LARP1B: variants seen among roughly 807,000 people sequenced by gnomAD.
LARP1B encodes the protein la-related protein 1B.
A neutral mutation model predicts 114.2 loss-of-function variants in LARP1B; 76 were observed. The observed-to-expected ratio is 0.67, with a 90% confidence interval of 0.55 to 0.81. LARP1B has a LOEUF of 0.81. Among genes scored for constraint, LARP1B ranks in the 30% least tolerant of loss-of-function variants. The pLI, the probability that LARP1B is intolerant of heterozygous loss-of-function variation, is 0.00. For synonymous variants in LARP1B, 345 were observed against 348.0 expected (o/e 0.99, Z 0.10); for missense variants, 1,014 against 1,075.8 (o/e 0.94, Z 0.80).
rs561694131 is a variant in LARP1B, at chr4:128,071,196, G to A, written c.-77-3264G>A. 5.3e-5 allele frequency among the ~76,000 whole-genome samples: 8 copies of A among 149,576 alleles called. No individual in the cohort carries two copies. The South Asian group carries it at 6.4e-4, about 12-fold the overall frequency. Reference sequence around the variant, plus strand: ...TGAGTAGCTGGGACTACAGGCGCCCGCCACCACACCCAGCTAATTTTTTGT... The same window carrying A: ...TGAGTAGCTGGGACTACAGGCGCCCACCACCACACCCAGCTAATTTTTTGT... On this transcript the variant is annotated intron_variant, in intron 1 of 19. Coordinates refer to ENST00000326639, the MANE Select transcript of LARP1B (RefSeq NM_018078.4).
chr4:128,144,120 A>G (rs781394001), intron 11 of LARP1B, among the ~76,000 whole-genome samples: 1 of 152,110 alleles, frequency 6.6e-6, no homozygotes, highest in Non-Finnish European at 1.5e-5. Context: ...CCCCACCCCA[A>G]TCCCATGACA....
intron 11 of LARP1B, 82 bp from the exon 12 acceptor site, chr4:128,162,112 T>G: frequency 5.3e-6 from 7 of 1,329,884 alleles, no homozygotes; most frequent in Admixed American, 2.2e-5. Flanking sequence ...AGAAGTTCAT[T>G]TTTTTGAGGT....
intron 1 of LARP1B, among the ~76,000 whole-genome samples, chr4:128,071,508 G>A (rs917722670): frequency 9.6e-5 from 14 of 146,058 alleles, no homozygotes; most frequent in African/African-American, 3.6e-4. Flanking sequence ...TGCAACCTCC[G>A]TCTCCTGGGT....
At chr4:128,159,130 A>G (rs1737207299) in intron 11 of LARP1B, among the ~76,000 whole-genome samples, 1 of 151,380 alleles carries the variant, frequency 6.6e-6, no homozygotes, top group African/African-American at 2.4e-5. Context: ...CTGTGGTCGT[A>G]CCACTGCGTT....
chr4:128,209,776 T>G (rs1758641321), intron 19 of LARP1B, 80 bp from the exon 20 acceptor site: 5 of 1,174,788 alleles, frequency 4.3e-6, no homozygotes, highest in Non-Finnish European at 5.0e-6. Flanking sequence ...CTTACTTTTT[T>G]GGGGAAAAGT....
chr4:128,129,275 A>G (rs1790764184), intron 11 of LARP1B, among the ~76,000 whole-genome samples: 1 of 147,988 alleles, frequency 6.8e-6, no homozygotes, highest in Admixed American at 6.9e-5. Context: ...GAACAGATTG[A>G]ACCCGGAAGG....
At chr4:128,065,252 A>AATTTATTT (rs1491392130) in intron 1 of LARP1B, among the ~76,000 whole-genome samples, 4 of 109,014 alleles carry the variant, frequency 3.7e-5, no homozygotes, top group African/African-American at 1.0e-4. Flanking sequence ...TCCCACAATT[A>AATTTATTT]ATTTCTTTCT....
chr4:128,083,433 G>T (rs1342898269), intron 5 of LARP1B, among the ~76,000 whole-genome samples: 29 of 149,248 alleles, frequency 1.9e-4, no homozygotes, highest in African/African-American at 6.9e-4. Flanking sequence ...GGGGCGGCTG[G>T]CCGGGCAGGG....
At chr4:128,207,405 CTATTCTTTTTAT>C (rs1343179862) in intron 19 of LARP1B, 22 bp downstream of exon 19, 1 of 1,429,760 alleles carries the variant, frequency 7.0e-7, no homozygotes, top group South Asian at 1.7e-5. Flanking sequence ...GTCATTTCCT[CTATTCTTTTTAT>C]TATCCATATA....
intron 7 of LARP1B, among the ~76,000 whole-genome samples, chr4:128,092,158 T>G (rs945027355): frequency 2.6e-5 from 4 of 152,160 alleles, no homozygotes; most frequent in Non-Finnish European, 5.9e-5. Flanking sequence ...ACTGAACAAG[T>G]AAAATTTGGC....
intron 9 of LARP1B, among the ~76,000 whole-genome samples, chr4:128,110,721 TGTAA>T (rs1442079930): frequency 3.4e-5 from 5 of 144,928 alleles, no homozygotes; most frequent in African/African-American, 1.3e-4. Context: ...AGAGCATATA[TGTAA>T]ATTAATTATG....
At chr4:128,178,138 G>T (rs1404401201) in intron 13 of LARP1B, among the ~76,000 whole-genome samples, 1 of 150,416 alleles carries the variant, frequency 6.6e-6, no homozygotes, top group Admixed American at 6.7e-5. Context: ...CAATTTAAGA[G>T]GCTAGTTATC....
chr4:128,168,376 G>T (rs1328409326), intron 12 of LARP1B, among the ~76,000 whole-genome samples: 4 of 151,656 alleles, frequency 2.6e-5, no homozygotes, highest in African/African-American at 9.7e-5. Flanking sequence ...ATCAGTTTAT[G>T]CTTGGTAAAG....
intron 8 of LARP1B, among the ~76,000 whole-genome samples, chr4:128,100,805 C>CTTTTTTTTTTTTTTTTT (rs1260880149): frequency 1.4e-5 from 2 of 140,518 alleles, no homozygotes. Context: ...CTTTTCTTTT[C>CTTTTTTTTTTTTTTTTT]TTTTTTTTTT....
chr4:128,129,965 T>G (rs1302530965), intron 11 of LARP1B, among the ~76,000 whole-genome samples: 1 of 152,208 alleles, frequency 6.6e-6, no homozygotes, highest in East Asian at 1.9e-4. Context: ...CATGACTTTT[T>G]AGATTCAATA....
chr4:128,211,090 T>G lies in LARP1B; in HGVS notation c.*1037T>G, dbSNP rs916958501. The G allele has an allele frequency of 1.1e-6, 1 of 899,442 alleles. No homozygotes were observed. Among genetic ancestry groups the G allele is most frequent in the African/African-American group, 1.8e-5 (1 of 55,430 alleles). The allele number at this position is 899,442 out of a possible 1,614,324, so 55.7% of individuals were successfully genotyped here. ...CTATTACAACTGATGTAAATGGTAG[T>G]TTCAGTTTTTGTGAGATTTAAAAAA... On this transcript the variant is annotated 3_prime_UTR_variant, in exon 20 of 20. Transcript: ENST00000326639.
At chr4:128,070,437 G>A (rs531523486) in intron 1 of LARP1B, among the ~76,000 whole-genome samples, 60 of 152,218 alleles carry the variant, frequency 3.9e-4, no homozygotes, top group African/African-American at 1.3e-3. Context: ...GAAGTAGGCA[G>A]ATCACCTGAG....
intron 7 of LARP1B, among the ~76,000 whole-genome samples, chr4:128,221,371 C>T (rs975622567): frequency 9.9e-5 from 15 of 152,180 alleles, no homozygotes; most frequent in African/African-American, 3.6e-4. Context: ...GGAAATATCC[C>T]ACAAGGTTAA....
chr4:128,077,775 AACC>A lies in LARP1B; in HGVS notation c.43-12_43-10del. Reference sequence around the variant, plus strand: ...TTAATGGAAATCATTTCATTCTGAAAACCTTTTTGCAGTTTCAGAGCGTCCTCA... The same window carrying A: ...TTAATGGAAATCATTTCATTCTGAAATTTTTGCAGTTTCAGAGCGTCCTCA... On this transcript the variant is annotated splice_polypyrimidine_tract_variant and intron_variant, in intron 3 of 19. Transcript: ENST00000326639. The A allele has an allele frequency of 6.6e-7, 1 of 1,520,540 alleles. No homozygotes were observed. The highest frequency in any genetic ancestry group is 8.8e-7 in the Non-Finnish European group (1 of 1,137,402). The allele number at this position is 1,520,540 out of a possible 1,614,324, so 94.2% of individuals were successfully genotyped here.
Sources: gnomAD v4.1 joint callset for allele counts (sites outside exome capture counted in the v4.1 genomes callset) on GRCh38, gnomAD v4.1.1 for gene constraint, MANE v1.5 for transcripts, NCBI Gene and HGNC (gene_info 2026-07-23, HGNC 2026-07-21) for gene names.